The following HDAC5 variants were observed in gnomAD, a reference collection of about 807,000 sequenced individuals.
HDAC5 encodes antigen NY-CO-9.
A neutral mutation model predicts 133.3 loss-of-function variants in HDAC5; 25 were observed. The observed-to-expected ratio is 0.19, with a 90% confidence interval of 0.14 to 0.26. The LOEUF (loss-of-function observed/expected upper bound fraction) is 0.26, where lower values mean the gene tolerates loss of function less well. HDAC5 is among the 10% of genes least tolerant of loss of function. The pLI, the probability that HDAC5 is intolerant of heterozygous loss-of-function variation, is 1.00. For synonymous variants in HDAC5, 589 were observed against 610.8 expected (o/e 0.96, Z 0.53); for missense variants, 1,041 against 1,460.5 (o/e 0.71, Z 4.68).
chr17:44,093,623 A>G lies in HDAC5; in HGVS notation c.306T>C (p.His102=). The part of the protein sequence containing the change: ...QLLFAEFQKQ[H]DHLTRQHEVQ... ...CCTCATGCTGCCTTGTCAGGTGGTC[A>G]TGCTGTTTCTGGAACTCAGCGAACA... Residue 102 remains histidine, a synonymous_variant, in exon 4 of 27, where the codon CAT becomes CAC. Coordinates refer to ENST00000682912, the MANE Select transcript of HDAC5 (RefSeq NM_005474.5). The G allele has an allele frequency of 6.2e-7, 1 of 1,612,596 alleles. No individual in the cohort carries two copies. Among genetic ancestry groups the G allele is most frequent in the African/African-American group, 1.3e-5 (1 of 75,002 alleles).
Position 44,101,177 on chromosome 17 carries a change from A to G in HDAC5, c.95-7343T>C, listed in dbSNP as rs1249431154. The stretch of plus-strand genomic sequence containing the variant: ...TCCCAGCACTTTGGGAGGCTGAGAC[A>G]GGCAGATCACGAGGTCAGGAGATCA... On this transcript the variant is annotated intron_variant, in intron 3 of 26. Coordinates refer to ENST00000682912, the MANE Select transcript of HDAC5 (RefSeq NM_005474.5). Among the ~76,000 whole-genome samples the G allele has an allele frequency of 4.6e-5, 7 of 151,010 alleles. No homozygotes were observed. In the East Asian group the frequency reaches 9.9e-4, roughly 21 times the overall value.
intron 2 of HDAC5, chr17:44,111,622 G>A (rs1298032044): frequency 1.9e-6 from 1 of 518,108 alleles, no homozygotes; most frequent in Non-Finnish European, 3.8e-6. Context: ...AGGAGAGGCT[G>A]GCACACAGGC....
chr17:44,113,494 C>G (rs1258509646), intron 2 of HDAC5, among the ~76,000 whole-genome samples: 1 of 152,172 alleles, frequency 6.6e-6, no homozygotes, highest in East Asian at 1.9e-4. Context: ...TTCTGAGATT[C>G]AGGTGATACA....
chr17:44,111,192 GA>G (rs1290757631), intron 2 of HDAC5: 2 of 323,432 alleles, frequency 6.2e-6, no homozygotes, highest in Non-Finnish European at 1.2e-5. Context: ...AACCCTGGGT[GA>G]CAGCTCTGGG....
At position 44,093,412 on chromosome 17, in the gene HDAC5, T is replaced by C; in HGVS notation, c.428A>G (p.Gln143Arg). The C allele has an allele frequency of 6.3e-7, 1 of 1,597,254 alleles. No homozygotes were observed. The highest frequency in any genetic ancestry group is 1.7e-5 in the Admixed American group (1 of 57,960). The change falls in exon 5 of 27, where the codon CAG becomes CGG. Residue 143 changes from glutamine to arginine, a missense_variant. This residue lies in a region of HDAC5 where 109 missense variants were observed against 168.0 expected (regional missense o/e 0.65). Coordinates refer to ENST00000682912, the MANE Select transcript of HDAC5 (RefSeq NM_005474.5). ...CCGCTGCTGCTCCCGCTGCCGCTGC[T>C]GCTCCAGCTCCTGCTGCCGCTTGGC... Reference protein sequence around the residue: ...LAAKRQQELEQQRQREQQRQE... With the variant: ...LAAKRQQELERQRQREQQRQE...
rs1382363896 is a variant in HDAC5 at position 44,093,804 on chromosome 17, A to G, written c.125T>C (p.Met42Thr). 11 of 1,542,022 alleles carry G rather than the reference A, an allele frequency of 7.1e-6. No homozygotes were observed. Among genetic ancestry groups the G allele is most frequent in the Non-Finnish European group, 7.0e-6 (8 of 1,144,386 alleles). ...VEVKPVLPRA[M>T]PSSMGGGGGG... ...ACCCCCACCCCCCATGGAACTGGGC[A>G]TGGCTCTTGGCAGCACCGGCTTCAC... Residue 42 changes from methionine to threonine, a missense_variant, in exon 4 of 27, where the codon ATG (methionine) becomes ACG (threonine). Around this residue, in one of 9 missense-constraint regions of HDAC5, gnomAD observed 93 missense variants for 98.8 expected, o/e 0.94. Coordinates refer to ENST00000682912, the MANE Select transcript of HDAC5 (RefSeq NM_005474.5).
chr17:44,085,186 C>G, intron 14 of HDAC5, 31 bp from the exon 15 acceptor site: 2 of 1,545,186 alleles, frequency 1.3e-6, no homozygotes, highest in Non-Finnish European at 1.8e-6. Flanking sequence ...TCAGCCAGCA[C>G]TGCTCTGGGC....
At chr17:44,088,348 C>A in intron 12 of HDAC5, 39 bp downstream of exon 12, 1 of 1,539,286 alleles carries the variant, frequency 6.5e-7, no homozygotes. Flanking sequence ...GTGTCCTGCC[C>A]CCACCACAGC....
intron 7 of HDAC5, 55 bp from the exon 8 acceptor site, chr17:44,092,582 C>A (rs1327689335): frequency 6.3e-7 from 1 of 1,577,248 alleles, no homozygotes; most frequent in African/African-American, 1.3e-5. Context: ...ACATCTGCAG[C>A]TGAGCCCACT....
intron 20 of HDAC5, among the ~76,000 whole-genome samples, chr17:44,081,175 C>T (rs892005011): frequency 1.3e-5 from 2 of 152,152 alleles, no homozygotes; most frequent in African/African-American, 2.4e-5. Flanking sequence ...TATCTCCCTA[C>T]AGAACCCATT....
intron 23 of HDAC5, 27 bp from the exon 24 acceptor site, chr17:44,079,304 A>T: frequency 6.2e-7 from 1 of 1,607,738 alleles, no homozygotes; most frequent in Non-Finnish European, 8.5e-7. Context: ...AGGGAGGAAG[A>T]AGAAATGGCG....
chr17:44,106,972 T>C (rs1313998243), intron 3 of HDAC5, among the ~76,000 whole-genome samples: 1 of 150,636 alleles, frequency 6.6e-6, no homozygotes, highest in African/African-American at 2.4e-5. Context: ...TTTTAAGAGA[T>C]AGGGTCTTGT....
chr17:44,081,779 C>T (rs1414926632), intron 20 of HDAC5: 1 of 152,002 alleles, frequency 6.6e-6, no homozygotes, highest in Admixed American at 6.6e-5. Context: ...CAGGGTTTCA[C>T]CATGTTGGCC....
intron 3 of HDAC5, among the ~76,000 whole-genome samples, chr17:44,103,951 G>A (rs181924862): frequency 2.6e-5 from 4 of 151,894 alleles, no homozygotes; most frequent in East Asian, 2.0e-4. Context: ...CAGGTGATCC[G>A]CCTGCCTCGG....
rs2050558677 is a variant in HDAC5, at chr17:44,084,570, T to A, written c.2290A>T (p.Ser764Cys). 6.2e-7 allele frequency: 1 copy of A among 1,613,998 alleles called. No individual in the cohort carries two copies. The highest frequency in any genetic ancestry group is 8.5e-7 in the Non-Finnish European group (1 of 1,179,998). The change falls in exon 16 of 27, where the codon AGC becomes TGC. Residue 764 changes from serine (S) to cysteine (C), a missense_variant. Physicochemically the swap from Ser to Cys is moderately radical, Grantham distance 112. Transcript: ENST00000682912. The stretch of plus-strand genomic sequence containing the variant: ...GCCAGCTCACCGAGCAACTTCTTGC[T>A]GTCTAGCTTCTGCCGGTTGAGGGGA... ...TSPLNRQKLD[S>C]KKLLGPISQK...
intron 3 of HDAC5, among the ~76,000 whole-genome samples, chr17:44,103,950 C>T (rs1198115084): frequency 2.0e-5 from 3 of 151,912 alleles, no homozygotes; most frequent in African/African-American, 2.4e-5. Flanking sequence ...TCAGGTGATC[C>T]GCCTGCCTCG....
chr17:44,103,569 C>T (rs1490632011), intron 3 of HDAC5, among the ~76,000 whole-genome samples: 3 of 152,112 alleles, frequency 2.0e-5, no homozygotes, highest in African/African-American at 7.2e-5. Context: ...GGAGAATGTA[C>T]GCGGAGGAGC....
At chr17:44,114,692 C>A (rs2052550689) in intron 2 of HDAC5, among the ~76,000 whole-genome samples, 1 of 152,220 alleles carries the variant, frequency 6.6e-6, no homozygotes. Flanking sequence ...TCCCAGGCCC[C>A]TGGGCAGCTC....
intron 2 of HDAC5, among the ~76,000 whole-genome samples, chr17:44,116,515 T>C (rs1011626742): frequency 6.6e-6 from 1 of 152,214 alleles, no homozygotes; most frequent in African/African-American, 2.4e-5. Context: ...CAAATGGGTA[T>C]TCATCCTAGG....
Sources: allele counts gnomAD v4.1 joint callset (sites outside exome capture counted in the v4.1 genomes callset), GRCh38; gene constraint gnomAD v4.1.1; regional missense constraint gnomAD v4.1.1; transcripts MANE v1.5; gene names NCBI Gene and HGNC (gene_info 2026-07-23, HGNC 2026-07-21).